The following MEGF10 variants were observed in gnomAD, a reference collection of about 807,000 sequenced individuals.
MEGF10 encodes multiple EGF like domains 10, also known as multiple epidermal growth factor-like domains protein 10.
Under a neutral mutation model 147.5 loss-of-function variants are expected in MEGF10, and 86 were observed. The observed-to-expected ratio is 0.58, with a 90% CI of 0.49 to 0.70. The LOEUF is 0.70. Ranked by LOEUF, MEGF10 falls within the 30% of genes least tolerant of loss-of-function variation. The probability of loss-of-function intolerance (pLI) is 0.00; values close to 1 mark genes in which losing one functional copy is unlikely to be tolerated. For missense variants in MEGF10, 1,329 were observed against 1,487.3 expected (o/e 0.89, Z 1.75); for synonymous variants, 478 against 525.5 (o/e 0.91, Z 1.24).
chr5:127,270,084 A>G, the MEGF10 span, among the ~76,000 whole-genome samples: 1 of 152,244 alleles, frequency 6.6e-6, no homozygotes, highest in Non-Finnish European at 1.5e-5. Context: ...TGAAGGAAGC[A>G]CTAAACATGG....
chr5:127,409,740 T>C (rs1764482317), intron 8 of MEGF10: 1 of 153,260 alleles, frequency 6.5e-6, no homozygotes, highest in Non-Finnish European at 1.5e-5. Context: ...GTTAGAAAAC[T>C]CCAAGCCTTC....
At chr5:127,356,190 T>C (rs745484017) in intron 4 of MEGF10, among the ~76,000 whole-genome samples, 2 of 152,226 alleles carry the variant, frequency 1.3e-5, no homozygotes, top group Non-Finnish European at 2.9e-5. Context: ...AGAACTTGCA[T>C]GTTTTTAGTC....
chr5:127,418,032 A>T (rs1764844861), intron 10 of MEGF10, among the ~76,000 whole-genome samples: 1 of 152,088 alleles, frequency 6.6e-6, no homozygotes, highest in Non-Finnish European at 1.5e-5. Context: ...ATGTGGCATT[A>T]ATTTTTAATA....
the MEGF10 span, among the ~76,000 whole-genome samples, chr5:127,257,994 CT>C: frequency 6.6e-6 from 1 of 152,134 alleles, no homozygotes. Context: ...TAAAGAATAT[CT>C]GTAACATAGT....
rs141738660 is a variant in MEGF10, at chr5:127,409,049, T to C, written c.918-1340T>C. Among the ~76,000 whole-genome samples the C allele has an allele frequency of 9.5e-3, 1,453 of 152,188 alleles. 13 individuals carry two copies. Among genetic ancestry groups the C allele is most frequent in the Non-Finnish European group, 0.015 (998 of 68,004 alleles). ...CTATGATGGCACCACTGCACTCCAG[T>C]CTGGGTGATAGAGGCAGACCCTGTC... On this transcript the variant is annotated intron_variant, in intron 8 of 24. Transcript: ENST00000503335.
chr5:127,451,442 A>G (rs1354837035), intron 22 of MEGF10, among the ~76,000 whole-genome samples: 1 of 152,208 alleles, frequency 6.6e-6, no homozygotes, highest in Non-Finnish European at 1.5e-5. Context: ...GAGTATTTCT[A>G]ACCACAGTAA....
chr5:127,404,866 C>A (rs1309400561), intron 8 of MEGF10, among the ~76,000 whole-genome samples: 1 of 151,946 alleles, frequency 6.6e-6, no homozygotes, highest in African/African-American at 2.4e-5. Context: ...CAGGCGCATG[C>A]TGCCATATCA....
chr5:127,392,616 C>A (rs1003236552), intron 5 of MEGF10, among the ~76,000 whole-genome samples: 6 of 152,176 alleles, frequency 3.9e-5, no homozygotes, highest in Non-Finnish European at 8.8e-5. Context: ...CAGTCTAGCA[C>A]CATGTCTGAT....
the MEGF10 span, among the ~76,000 whole-genome samples, chr5:127,258,317 A>G: frequency 8.5e-5 from 13 of 152,336 alleles, 1 homozygote; most frequent in Admixed American, 8.5e-4. Context: ...AAGAAAATAA[A>G]GAAATAAGGA....
intron 1 of MEGF10, among the ~76,000 whole-genome samples, chr5:127,296,927 T>A (rs1759528706): frequency 6.6e-6 from 1 of 152,138 alleles, no homozygotes; most frequent in South Asian, 2.1e-4. Context: ...AAGTAATAGG[T>A]TGGAGAGTTA....
At chr5:127,334,737 C>T (rs759361459) in intron 2 of MEGF10, among the ~76,000 whole-genome samples, 1 of 152,108 alleles carries the variant, frequency 6.6e-6, no homozygotes, top group African/African-American at 2.4e-5. Flanking sequence ...CTTTTCCATT[C>T]AGTGGGGTTT....
rs548077114 is a variant in MEGF10, at chr5:127,343,291, G to A, written c.319+2661G>A. Among the ~76,000 whole-genome samples, 6 of 152,198 alleles carry A rather than the reference G, an allele frequency of 3.9e-5. No individual in the cohort carries two copies. In the South Asian group the frequency reaches 1.0e-3, roughly 26 times the overall value. ...CAAGGATGATTTAATGCAAATACCT[G>A]TATTTGAAACAAGTTTCTTTTATGT... On this transcript the variant is annotated intron_variant, in intron 4 of 24. Coordinates refer to ENST00000503335, the MANE Select transcript of MEGF10 (RefSeq NM_001256545.2).
the MEGF10 span, among the ~76,000 whole-genome samples, chr5:127,277,476 A>G: frequency 1.3e-5 from 2 of 152,222 alleles, no homozygotes; most frequent in Non-Finnish European, 1.5e-5. Context: ...TCCTGCTTAC[A>G]AATCTCCATC....
the MEGF10 span, among the ~76,000 whole-genome samples, chr5:127,243,234 G>A: frequency 2.6e-5 from 4 of 152,084 alleles, no homozygotes; most frequent in South Asian, 2.1e-4. Context: ...TTTCTACCTC[G>A]TGGTTGTTTT....
the MEGF10 span, among the ~76,000 whole-genome samples, chr5:127,282,724 C>T: frequency 2.0e-5 from 3 of 152,192 alleles, no homozygotes; most frequent in East Asian, 5.8e-4. Flanking sequence ...ATCCCCTCTC[C>T]CCACTTTTCT....
intron 5 of MEGF10, among the ~76,000 whole-genome samples, chr5:127,394,270 A>C (rs541732132): frequency 3.3e-5 from 5 of 152,334 alleles, no homozygotes; most frequent in African/African-American, 1.2e-4. Flanking sequence ...GATAAATGAA[A>C]TTGAATAAAC....
the MEGF10 span, among the ~76,000 whole-genome samples, chr5:127,282,738 C>T: frequency 1.3e-5 from 2 of 152,188 alleles, no homozygotes; most frequent in Non-Finnish European, 2.9e-5. Flanking sequence ...CTTTTCTGTG[C>T]TTCTGGAAGG....
intron 7 of MEGF10, 30 bp from the exon 8 acceptor site, chr5:127,402,516 A>T: frequency 6.3e-7 from 1 of 1,599,454 alleles, no homozygotes; most frequent in Non-Finnish European, 8.5e-7. Context: ...CTGGAGGCCC[A>T]TCTAATTTTC....
At chr5:127,240,199 T>A in the MEGF10 span, among the ~76,000 whole-genome samples, 1 of 152,238 alleles carries the variant, frequency 6.6e-6, no homozygotes, top group African/African-American at 2.4e-5. Flanking sequence ...TCCCTCTTTA[T>A]CAAGTCAGGG....
Sources: gnomAD v4.1 joint callset for allele counts (sites outside exome capture counted in the v4.1 genomes callset) on GRCh38, gnomAD v4.1.1 for gene constraint, MANE v1.5 for transcripts, NCBI Gene and HGNC (gene_info 2026-07-23, HGNC 2026-07-21) for gene names.